The following SPON1 variants were observed in gnomAD, a reference collection of about 807,000 sequenced individuals.
The protein encoded by SPON1 is spondin-1.
SPON1 carries 52 observed loss-of-function variants against 111.7 expected under a neutral mutation model. The observed-to-expected ratio is 0.47, with a 90% CI of 0.37 to 0.59. SPON1 has a LOEUF of 0.59. SPON1 is among the 20% of genes least tolerant of loss of function. The probability of loss-of-function intolerance (pLI) is 0.00; values close to 1 mark genes in which losing one functional copy is unlikely to be tolerated. For synonymous variants in SPON1, 410 were observed against 395.8 expected (o/e 1.04, Z -0.43); for missense variants, 957 against 1,068.5 (o/e 0.90, Z 1.46).
Position 14,259,290 on chromosome 11 carries a change from C to A in SPON1, c.1503C>A (p.Thr501=). The A allele has an allele frequency of 6.2e-7, 1 of 1,611,908 alleles. No homozygotes were observed. Among genetic ancestry groups the A allele is most frequent in the Non-Finnish European group, 8.5e-7 (1 of 1,179,270 alleles). The change falls in exon 12 of 16, where the codon ACC becomes ACA. Residue 501 remains threonine, a synonymous_variant. Coordinates refer to ENST00000576479, the MANE Select transcript of SPON1 (RefSeq NM_006108.4). The surrounding 1 kb of genome is among the most constrained non-coding windows in gnomAD (Gnocchi z 5.0). Reference sequence around the variant, plus strand: ...CTCGGTGTGTTGCAGACGGCTCCACCTGCACCATGTCCGAGTGGATCACCT... The same window carrying A: ...CTCGGTGTGTTGCAGACGGCTCCACATGCACCATGTCCGAGTGGATCACCT... ...GPGCSDEDGS[T]CTMSEWITWS... is the part of the protein sequence containing the mutation.
At chr11:14,027,140 T>C (rs1207630831) in intron 2 of SPON1, among the ~76,000 whole-genome samples, 1 of 152,164 alleles carries the variant, frequency 6.6e-6, no homozygotes, top group South Asian at 2.1e-4. Flanking sequence ...GGCACTGGCG[T>C]TGTAAGAAAT....
chr11:14,172,074 C>G (rs1554932545), intron 6 of SPON1, among the ~76,000 whole-genome samples: 1 of 152,096 alleles, frequency 6.6e-6, no homozygotes, highest in Non-Finnish European at 1.5e-5. Flanking sequence ...GTTGATCTGT[C>G]TAATGTTGAC....
At chr11:14,109,786 A>G (rs1317522820) in intron 5 of SPON1, among the ~76,000 whole-genome samples, 1 of 137,268 alleles carries the variant, frequency 7.3e-6, no homozygotes. Flanking sequence ...GACACTCAAG[A>G]AACCTGGAAG....
At chr11:14,185,226 G>A (rs767373293) in intron 6 of SPON1, among the ~76,000 whole-genome samples, 2 of 152,160 alleles carry the variant, frequency 1.3e-5, no homozygotes, top group African/African-American at 2.4e-5. Context: ...CCCACCATCA[G>A]CAAAGCCAAT....
At chr11:14,100,924 T>C (rs1849138511) in intron 5 of SPON1, among the ~76,000 whole-genome samples, 1 of 152,236 alleles carries the variant, frequency 6.6e-6, no homozygotes, top group South Asian at 2.1e-4. Flanking sequence ...TGTCCTTCTA[T>C]CCAGCTGCTT....
intron 6 of SPON1, among the ~76,000 whole-genome samples, chr11:14,191,920 C>A (rs1034670800): frequency 6.6e-6 from 1 of 152,122 alleles, no homozygotes; most frequent in Admixed American, 6.5e-5. Flanking sequence ...ACACCAAATG[C>A]CAGCCAGCCA....
At chr11:14,170,118 T>C (rs888272427) in intron 6 of SPON1, among the ~76,000 whole-genome samples, 4 of 152,244 alleles carry the variant, frequency 2.6e-5, no homozygotes, top group African/African-American at 9.6e-5. Flanking sequence ...TTATTCTTCC[T>C]ACCCATGAGC....
At chr11:14,208,436 C>T (rs1259729433) in intron 6 of SPON1, among the ~76,000 whole-genome samples, 2 of 151,788 alleles carry the variant, frequency 1.3e-5, no homozygotes, top group Non-Finnish European at 2.9e-5. Flanking sequence ...AAATATATTT[C>T]AATATGTTTT....
chr11:14,233,522 A>G lies in SPON1; in HGVS notation c.826-9810A>G, dbSNP rs185820708. 7.1e-3 allele frequency among the ~76,000 whole-genome samples: 1,081 copies of G among 152,312 alleles called. 18 individuals carry two copies. The highest frequency in any genetic ancestry group is 7.5e-3 in the Non-Finnish European group (508 of 68,024). On this transcript the variant is annotated intron_variant, in intron 6 of 15. Coordinates refer to ENST00000576479, the MANE Select transcript of SPON1 (RefSeq NM_006108.4). ...CAGCCCCTAAACCCTCTGGGAGGGC[A>G]GCCAAGGCCAGAGACTTCCTCTAGC...
At chr11:14,206,711 A>G (rs1848520720) in intron 6 of SPON1, among the ~76,000 whole-genome samples, 1 of 152,208 alleles carries the variant, frequency 6.6e-6, no homozygotes, top group Admixed American at 6.5e-5. Context: ...TAACTACAAA[A>G]TACTACTCAA....
At position 13,962,829 on chromosome 11, in the gene SPON1, C is replaced by G. The variant is rs554585711; in HGVS notation, c.-76C>G. On this transcript the variant is annotated 5_prime_UTR_variant, in exon 1 of 16. Coordinates refer to ENST00000576479, the MANE Select transcript of SPON1 (RefSeq NM_006108.4). ...CCGCCGCGCCTCCGCCAGGTCGCGCCTTCGTCGGGACCACTTCGGGCAGGA... is the reference window on the plus strand; with the variant it reads ...CCGCCGCGCCTCCGCCAGGTCGCGCGTTCGTCGGGACCACTTCGGGCAGGA... The G allele has an allele frequency of 1.0e-4, 134 of 1,332,320 alleles. 3 individuals carry two copies. The South Asian group carries it at 2.2e-3, about 22-fold the overall frequency. 82.5% of individuals were successfully genotyped at this position (1,332,320 alleles called of 1,614,324 possible).
intron 6 of SPON1, among the ~76,000 whole-genome samples, chr11:14,221,422 AC>A (rs1411884878): frequency 6.6e-6 from 1 of 152,220 alleles, no homozygotes; most frequent in Non-Finnish European, 1.5e-5. Flanking sequence ...CAGAACTCAA[AC>A]CTAGGCCTGT....
intron 5 of SPON1, among the ~76,000 whole-genome samples, chr11:14,095,927 T>A (rs1451281850): frequency 1.3e-5 from 2 of 152,098 alleles, no homozygotes; most frequent in Non-Finnish European, 2.9e-5. Context: ...TCCCTCCCAA[T>A]CCTGAGAAGT....
Position 14,041,677 on chromosome 11 carries a change from C to T in SPON1, c.479+23C>T, listed in dbSNP as rs1054608203. 4 of 1,612,116 alleles carry T rather than the reference C, an allele frequency of 2.5e-6. No homozygotes were observed. The African/African-American group carries it at 5.4e-5, about 22-fold the overall frequency. ...GAAGTAAGTAAACATGGAATCCTTC[C>T]CTGCAGTTTATCAAAGACTTTGTGG... On this transcript the variant is annotated intron_variant, in intron 3 of 15. Coordinates refer to ENST00000576479, the MANE Select transcript of SPON1 (RefSeq NM_006108.4).
chr11:14,124,128 A>C (rs1847429568), intron 5 of SPON1, among the ~76,000 whole-genome samples: 1 of 152,102 alleles, frequency 6.6e-6, no homozygotes, highest in South Asian at 2.1e-4. Flanking sequence ...ATATCCTATC[A>C]TGATCTGCCT....
chr11:13,973,111 C>A (rs1210143988), intron 1 of SPON1, among the ~76,000 whole-genome samples: 5 of 152,188 alleles, frequency 3.3e-5, no homozygotes, highest in Admixed American at 6.5e-5. Context: ...TAGCTGCCAG[C>A]AACCTTCAGT....
rs150590306 is a variant in SPON1 at position 14,028,360 on chromosome 11, C to T, written c.346-13161C>T. 2.1e-4 allele frequency among the ~76,000 whole-genome samples: 32 copies of T among 151,718 alleles called. No individual in the cohort carries two copies. In the Middle Eastern group the frequency reaches 0.01, roughly 48 times the overall value. On this transcript the variant is annotated intron_variant, in intron 2 of 15. Transcript: ENST00000576479. ...TATTACCTCGGCATGGTGGCGTGTG[C>T]CTGTGGTCCTAGCTACTAGATAGGA...
At chr11:14,069,811 A>C (rs1848861123) in intron 3 of SPON1, among the ~76,000 whole-genome samples, 1 of 135,044 alleles carries the variant, frequency 7.4e-6, no homozygotes, top group South Asian at 3.0e-4. Context: ...CCAAGCAGAG[A>C]CTGCAGCCTT....
chr11:14,243,291 C>T (rs1554939872), intron 6 of SPON1, 41 bp from the exon 7 acceptor site: 1 of 1,543,200 alleles, frequency 6.5e-7, no homozygotes. Flanking sequence ...TTCCCATGAG[C>T]CCAGCTCTGT....
Sources: allele counts gnomAD v4.1 joint callset (sites outside exome capture counted in the v4.1 genomes callset), GRCh38; gene constraint gnomAD v4.1.1; non-coding constraint Gnocchi (gnomAD v3.1); transcripts MANE v1.5; gene names NCBI Gene and HGNC (gene_info 2026-07-23, HGNC 2026-07-21).